The following CABIN1 variants were observed in gnomAD, a reference collection of about 807,000 sequenced individuals.
CABIN1 encodes calcineurin-binding protein cabin-1.
CABIN1 carries 133 observed loss-of-function variants against 227.7 expected under a neutral mutation model. The ratio of observed to expected loss-of-function variants is 0.58; its 90% CI spans 0.51 to 0.67. The LOEUF (loss-of-function observed/expected upper bound fraction) is 0.67, where lower values mean the gene tolerates loss of function less well. Among genes scored for constraint, CABIN1 ranks in the 30% least tolerant of loss-of-function variants. The probability of loss-of-function intolerance (pLI) is 0.00; values close to 1 mark genes in which losing one functional copy is unlikely to be tolerated. For synonymous variants in CABIN1, 1,086 were observed against 1,155.1 expected (o/e 0.94, Z 1.21); for missense variants, 2,408 against 2,852.5 (o/e 0.84, Z 3.55).
chr22:24,061,892 C>T, intron 12 of CABIN1, 55 bp from the exon 13 acceptor site: 2 of 1,301,718 alleles, frequency 1.5e-6, no homozygotes, highest in East Asian at 4.6e-5. Context: ...CTACCCCCCA[C>T]ACTGTGAAGA....
In CABIN1 at chr22:24,072,436, G is replaced by T; in HGVS notation, c.2558G>T (p.Arg853Leu). 1 of 1,614,132 alleles carries T rather than the reference G, an allele frequency of 6.2e-7. No individual in the cohort carries two copies. Among genetic ancestry groups the T allele is most frequent in the South Asian group, 1.1e-5 (1 of 91,076 alleles). ...GTGCTACCCTGGATCATTCTACACC[G>T]GATCATCTGGCAGGAGGAAGACACC... ...SSVLPWIILH[R>L]IIWQEEDTFH... The change falls in exon 18 of 37, where the codon CGG becomes CTG. Residue 853 changes from arginine to leucine, a missense_variant. Physicochemically the swap from Arg to Leu is moderately radical, Grantham distance 102. Transcript: ENST00000263119.
At chr22:24,039,706 G>T (rs182442265) in intron 4 of CABIN1, among the ~76,000 whole-genome samples, 182 of 152,308 alleles carry the variant, frequency 1.2e-3, no homozygotes, top group Non-Finnish European at 2.0e-3. Context: ...AGTTGTAGGT[G>T]TGTGCATCTT....
chr22:24,156,768 A>G (rs1490040572), intron 29 of CABIN1, among the ~76,000 whole-genome samples: 1 of 151,434 alleles, frequency 6.6e-6, no homozygotes, highest in Non-Finnish European at 1.5e-5. Flanking sequence ...GTTGCATGGG[A>G]TGGGGGGTGG....
At chr22:24,111,510 G>A (rs920459929) in intron 26 of CABIN1, among the ~76,000 whole-genome samples, 19 of 152,350 alleles carry the variant, frequency 1.2e-4, no homozygotes, top group Admixed American at 9.1e-4. Flanking sequence ...TCTAATGCCA[G>A]AGAATAGTTT....
At chr22:24,151,788 A>C (rs995009405) in intron 29 of CABIN1, among the ~76,000 whole-genome samples, 2 of 152,120 alleles carry the variant, frequency 1.3e-5, no homozygotes, top group African/African-American at 4.8e-5. Context: ...TATGGTACCC[A>C]CTGCCACACG....
intron 1 of CABIN1, 62 bp from the exon 2 acceptor site, chr22:24,035,382 G>T: frequency 8.9e-7 from 1 of 1,122,488 alleles, no homozygotes; most frequent in African/African-American, 1.5e-5. Flanking sequence ...GGTGGACCTT[G>T]GCACTGTGAC....
intron 3 of CABIN1, among the ~76,000 whole-genome samples, chr22:24,037,736 A>G (rs918052482): frequency 7.2e-5 from 11 of 152,124 alleles, no homozygotes; most frequent in Admixed American, 2.0e-4. Context: ...GACACTAGCT[A>G]CACAGAGTTA....
chr22:24,159,581 T>C (rs1335502939), intron 29 of CABIN1, among the ~76,000 whole-genome samples: 1 of 152,188 alleles, frequency 6.6e-6, no homozygotes, highest in Non-Finnish European at 1.5e-5. Context: ...TTCACAGCCA[T>C]TCTGTCTACT....
In CABIN1 at chr22:24,038,449, C is replaced by T. The variant is rs747486229; in HGVS notation, c.198C>T (p.Ser66=). 2.1e-5 allele frequency: 34 copies of T among 1,612,778 alleles called. No individual in the cohort carries two copies. Among genetic ancestry groups the T allele is most frequent in the Non-Finnish European group, 2.8e-5 (33 of 1,179,324 alleles). Reference sequence around the variant, plus strand: ...CCTACCATGAGCTCTTGGAGGCGAGCCTGCTGCGGGAGGTGAGGCATCAGC... The same window carrying T: ...CCTACCATGAGCTCTTGGAGGCGAGTCTGCTGCGGGAGGTGAGGCATCAGC... ...AKAYHELLEA[S]LLREAVSSGD... Residue 66 remains serine (S), a synonymous_variant, in exon 4 of 37, where the codon AGC becomes AGT. Transcript: ENST00000263119.
At chr22:24,023,622 T>G (rs1655079601) in intron 1 of CABIN1, among the ~76,000 whole-genome samples, 1 of 152,212 alleles carries the variant, frequency 6.6e-6, no homozygotes, top group Admixed American at 6.5e-5. Flanking sequence ...CTCACTGTAG[T>G]TTTGATTTAC....
At chr22:24,154,965 G>A (rs2045694808) in intron 29 of CABIN1, among the ~76,000 whole-genome samples, 1 of 152,046 alleles carries the variant, frequency 6.6e-6, no homozygotes, top group Non-Finnish European at 1.5e-5. Context: ...AGGGAGGAAC[G>A]GCGCTATGTG....
In CABIN1 at chr22:24,119,349, CCTT is replaced by C. The variant is rs1377715536; in HGVS notation, c.4301-12_4301-10del. The stretch of plus-strand genomic sequence containing the variant: ...CCTAAAACCAGGGTGACTTTCTTTC[CCTT>C]CTTCTCAACTGTAGGAAAAAACGAG... On this transcript the variant is annotated splice_polypyrimidine_tract_variant and intron_variant, in intron 27 of 36. Coordinates refer to ENST00000263119, the MANE Select transcript of CABIN1 (RefSeq NM_012295.4). The C allele has an allele frequency of 2.5e-6, 4 of 1,607,194 alleles. No homozygotes were observed. The highest frequency in any genetic ancestry group is 1.1e-5 in the South Asian group (1 of 91,046).
At chr22:24,147,683 A>G (rs1341810976) in intron 29 of CABIN1, among the ~76,000 whole-genome samples, 1 of 151,722 alleles carries the variant, frequency 6.6e-6, no homozygotes, top group East Asian at 1.9e-4. Flanking sequence ...GGCTCAAGCA[A>G]TACTTCTTCC....
chr22:24,055,978 G>C (rs1343490583), intron 9 of CABIN1, among the ~76,000 whole-genome samples: 1 of 152,136 alleles, frequency 6.6e-6, no homozygotes, highest in Non-Finnish European at 1.5e-5. Context: ...CTGGCTTGTG[G>C]GTCCTGTGAA....
chr22:24,019,650 CTTTTTTTTTTTTTT>C (rs34361694), intron 1 of CABIN1, among the ~76,000 whole-genome samples: 1 of 87,024 alleles, frequency 1.1e-5, no homozygotes, highest in South Asian at 4.3e-4. Context: ...TTTCTTTACC[CTTTTTTTTTTTTTT>C]TTTTTTTTTT....
intron 26 of CABIN1, among the ~76,000 whole-genome samples, chr22:24,100,483 C>T (rs1183928407): frequency 6.6e-6 from 1 of 152,232 alleles, no homozygotes; most frequent in Non-Finnish European, 1.5e-5. Context: ...GGCCACACTG[C>T]CCACCTCTGT....
intron 31 of CABIN1, among the ~76,000 whole-genome samples, chr22:24,165,996 G>A (rs1316662229): frequency 6.6e-6 from 1 of 152,214 alleles, no homozygotes; most frequent in Non-Finnish European, 1.5e-5. Context: ...TGAGGCAGGT[G>A]CAGCAGTACC....
intron 22 of CABIN1, among the ~76,000 whole-genome samples, chr22:24,086,675 G>A (rs2041189555): frequency 6.6e-6 from 1 of 152,194 alleles, no homozygotes; most frequent in African/African-American, 2.4e-5. Flanking sequence ...CTTTGTACTA[G>A]CATTCAGCAA....
chr22:24,032,006 C>T (rs980334157), intron 1 of CABIN1, among the ~76,000 whole-genome samples: 1 of 152,160 alleles, frequency 6.6e-6, no homozygotes, highest in African/African-American at 2.4e-5. Flanking sequence ...ACAAAATTTA[C>T]CATTTTACCC....
Sources: allele counts gnomAD v4.1 joint callset (sites outside exome capture counted in the v4.1 genomes callset), GRCh38; gene constraint gnomAD v4.1.1; transcripts MANE v1.5; gene names NCBI Gene and HGNC (gene_info 2026-07-23, HGNC 2026-07-21).